The following SNX10 variants were observed in gnomAD, a reference collection of about 807,000 sequenced individuals.
SNX10 encodes sorting nexin 10, also known as sorting nexin-10.
A neutral mutation model predicts 28.5 loss-of-function variants in SNX10; 25 were observed. The observed-to-expected ratio is 0.88, with a 90% CI of 0.64 to 1.22. The LOEUF is 1.22. SNX10 is among the 50% of genes most tolerant of loss of function. The pLI, the probability that SNX10 is intolerant of heterozygous loss-of-function variation, is 0.00. For missense variants in SNX10, 223 were observed against 242.6 expected (o/e 0.92, Z 0.54); for synonymous variants, 62 against 81.4 (o/e 0.76, Z 1.28).
intron 1 of SNX10, among the ~76,000 whole-genome samples, chr7:26,324,542 G>C (rs1031339337): frequency 6.6e-6 from 1 of 152,184 alleles, no homozygotes; most frequent in East Asian, 1.9e-4. Context: ...AATTGTTTTT[G>C]TAGAGATGAG....
chr7:26,313,468 T>C (rs890766640), intron 1 of SNX10, among the ~76,000 whole-genome samples: 1 of 152,206 alleles, frequency 6.6e-6, no homozygotes, highest in African/African-American at 2.4e-5. Context: ...CTTTTTGTGA[T>C]TGTTTTGCCA....
At chr7:26,335,482 C>A (rs192789923) in intron 1 of SNX10, among the ~76,000 whole-genome samples, 55 of 152,312 alleles carry the variant, frequency 3.6e-4, no homozygotes, top group African/African-American at 1.3e-3. Context: ...GGACTGACTT[C>A]TTTCGAGTCA....
At chr7:26,303,530 A>G (rs1038893482) in intron 1 of SNX10, among the ~76,000 whole-genome samples, 1 of 152,062 alleles carries the variant, frequency 6.6e-6, no homozygotes, top group Non-Finnish European at 1.5e-5. Context: ...TGTCTTCATC[A>G]TGCCGAACTC....
chr7:26,307,647 A>G (rs75153465), intron 1 of SNX10, among the ~76,000 whole-genome samples: 10,172 of 149,274 alleles, frequency 0.068, 467 homozygotes, highest in East Asian at 0.2. Context: ...TGTTCCAGAG[A>G]TGGGGTTTTG....
intron 1 of SNX10, among the ~76,000 whole-genome samples, chr7:26,339,291 C>T (rs1291019685): frequency 1.3e-5 from 2 of 152,102 alleles, no homozygotes; most frequent in African/African-American, 2.4e-5. Context: ...TTCAGGATTT[C>T]GCCATGCCGC....
At chr7:26,353,332 G>C (rs923770564) in intron 2 of SNX10, among the ~76,000 whole-genome samples, 1 of 149,832 alleles carries the variant, frequency 6.7e-6, no homozygotes. Flanking sequence ...CTTCTATTTT[G>C]TTATTTGTAA....
At chr7:26,352,465 A>T in intron 2 of SNX10, among the ~76,000 whole-genome samples, 1 of 152,190 alleles carries the variant, frequency 6.6e-6, no homozygotes, top group Non-Finnish European at 1.5e-5. Context: ...AGAGATGATA[A>T]TAAAATGAAC....
chr7:26,329,869 A>T (rs1271451713), intron 1 of SNX10, among the ~76,000 whole-genome samples: 1 of 152,182 alleles, frequency 6.6e-6, no homozygotes, highest in Non-Finnish European at 1.5e-5. Context: ...CCTGAGATAC[A>T]AGTGGCTCGT....
At chr7:26,315,257 G>C (rs1013263610) in intron 1 of SNX10, among the ~76,000 whole-genome samples, 5 of 152,094 alleles carry the variant, frequency 3.3e-5, no homozygotes, top group African/African-American at 1.2e-4. Context: ...CATTTTTCTA[G>C]ATAACTATAA....
At chr7:26,318,217 T>G (rs969999433) in intron 1 of SNX10, among the ~76,000 whole-genome samples, 6 of 151,792 alleles carry the variant, frequency 4.0e-5, no homozygotes, top group Non-Finnish European at 8.8e-5. Context: ...GCCCAGTGAT[T>G]TTTTTTTTCC....
At position 26,352,301 on chromosome 7, in the gene SNX10, G is replaced by A. The variant is rs915690328; in HGVS notation, c.24+5835G>A. Among the ~76,000 whole-genome samples, 4 of 152,144 alleles carry A rather than the reference G, an allele frequency of 2.6e-5. No homozygotes were observed. The South Asian group carries it at 6.2e-4, about 24-fold the overall frequency. ...CATAAAGCTGGGTGTGTTGGTGCAT[G>A]CATGTAATTCCAGCTACTTGGCCAA... On this transcript the variant is annotated intron_variant, in intron 2 of 6. Coordinates refer to ENST00000338523, the MANE Select transcript of SNX10 (RefSeq NM_013322.3).
intron 1 of SNX10, among the ~76,000 whole-genome samples, chr7:26,314,230 A>C (rs955123373): frequency 6.6e-6 from 1 of 151,638 alleles, no homozygotes; most frequent in African/African-American, 2.4e-5. Context: ...AGGGTAGTCC[A>C]TTCTTGTAAA....
chr7:26,318,511 A>G (rs1177565664), intron 1 of SNX10, among the ~76,000 whole-genome samples: 11 of 152,158 alleles, frequency 7.2e-5, no homozygotes, highest in Non-Finnish European at 1.5e-5. Context: ...TCTGTTGCCC[A>G]GGTTGGAGTG....
chr7:26,334,751 T>A (rs1787858842), intron 1 of SNX10, among the ~76,000 whole-genome samples: 1 of 152,230 alleles, frequency 6.6e-6, no homozygotes, highest in African/African-American at 2.4e-5. Flanking sequence ...ATCCTCTTTT[T>A]TTCTTTTGTG....
At chr7:26,368,556 C>T (rs1438642495) in intron 5 of SNX10, among the ~76,000 whole-genome samples, 1 of 152,136 alleles carries the variant, frequency 6.6e-6, no homozygotes. Flanking sequence ...AGCCGCTTCC[C>T]TTCTTTACTG....
chr7:26,356,310 G>T (rs73068471), intron 2 of SNX10, among the ~76,000 whole-genome samples: 21,050 of 152,150 alleles, frequency 0.14, 1,763 homozygotes, highest in South Asian at 0.33. Context: ...TTAGGCCCAA[G>T]AAGTCATTAA....
At chr7:26,343,443 G>A (rs537311594) in intron 1 of SNX10, among the ~76,000 whole-genome samples, 2 of 152,294 alleles carry the variant, frequency 1.3e-5, no homozygotes, top group South Asian at 2.1e-4. Flanking sequence ...CAGGACAGTT[G>A]TGAAGTTTAA....
In SNX10 at chr7:26,358,805, G is replaced by GTTTTTTTTTTTTTTTTTTTTTTTTTTTT. The variant is rs35527687; in HGVS notation, c.25-2151_25-2150insTTTTTTTTTTTTTTTTTTTTTTTTTTTT. On this transcript the variant is annotated intron_variant, in intron 2 of 6. Transcript: ENST00000338523. ...GAGCATCACTATAGTGTTATCTTGT[G>GTTTTTTTTTTTTTTTTTTTTTTTTTTTT]TTTTTTTTTTTTTTTTTTTGACCAA... Among the ~76,000 whole-genome samples, 9 of 100,102 alleles carry GTTTTTTTTTTTTTTTTTTTTTTTTTTTT rather than the reference G, an allele frequency of 9.0e-5. 2 individuals carry two copies. The highest frequency in any genetic ancestry group is 3.1e-4 in the East Asian group (1 of 3,222). The allele number at this position is 100,102 out of a possible 152,430, so 65.7% of individuals were successfully genotyped here.
chr7:26,320,924 C>T (rs1250513911), intron 1 of SNX10, among the ~76,000 whole-genome samples: 10 of 152,188 alleles, frequency 6.6e-5, no homozygotes, highest in Admixed American at 1.3e-4. Flanking sequence ...TTTATTTAAT[C>T]GTTTCCTTAC....
Sources: gnomAD v4.1 joint callset for allele counts (sites outside exome capture counted in the v4.1 genomes callset) on GRCh38, gnomAD v4.1.1 for gene constraint, MANE v1.5 for transcripts, NCBI Gene and HGNC (gene_info 2026-07-23, HGNC 2026-07-21) for gene names.